Variants in ARHGEF4 observed in about 807,000 individuals in gnomAD.
The protein encoded by ARHGEF4 is APC-stimulated guanine nucleotide exchange factor 1.
In ARHGEF4, 119 loss-of-function variants were observed where a neutral mutation model predicts 162.0. The observed-to-expected ratio is 0.73, with a 90% CI of 0.63 to 0.86. The LOEUF (loss-of-function observed/expected upper bound fraction) is 0.86. Ranked by LOEUF, ARHGEF4 falls within the 40% of genes least tolerant of loss-of-function variation. The pLI is 0.00. For synonymous variants in ARHGEF4, 1,014 were observed against 979.9 expected (o/e 1.03, Z -0.65); for missense variants, 2,488 against 2,456.0 (o/e 1.01, Z -0.28).
At chr2:131,037,182 C>G (rs1278107351) in intron 5 of ARHGEF4, among the ~76,000 whole-genome samples, 2 of 152,210 alleles carry the variant, frequency 1.3e-5, no homozygotes, top group Non-Finnish European at 2.9e-5. Context: ...CCTGGGCTCA[C>G]AGGCTCATGT....
At chr2:130,985,235 C>T (rs1686403762) in intron 4 of ARHGEF4, among the ~76,000 whole-genome samples, 1 of 152,038 alleles carries the variant, frequency 6.6e-6, no homozygotes, top group Non-Finnish European at 1.5e-5. Flanking sequence ...CGCTTCCAGC[C>T]AAAAGTGGGC....
chr2:130,874,106 G>A (rs533933235), intron 1 of ARHGEF4, among the ~76,000 whole-genome samples: 1 of 151,932 alleles, frequency 6.6e-6, no homozygotes, highest in Non-Finnish European at 1.5e-5. Flanking sequence ...TCCTTTTTAC[G>A]AGCAGCTTAC....
At chr2:130,966,954 C>A (rs1448494331) in intron 4 of ARHGEF4, among the ~76,000 whole-genome samples, 1 of 152,170 alleles carries the variant, frequency 6.6e-6, no homozygotes. Flanking sequence ...ATGTGTTTAA[C>A]TGAACTGCAT....
chr2:130,908,628 A>G (rs1234388267), intron 1 of ARHGEF4, among the ~76,000 whole-genome samples: 2 of 152,102 alleles, frequency 1.3e-5, no homozygotes, highest in African/African-American at 4.8e-5. Context: ...GTGAGCTGAG[A>G]TTGCGCCATT....
chr2:131,045,461 G>C lies in ARHGEF4; in HGVS notation c.5479+15G>C, dbSNP rs202215200. 5,333 of 1,613,534 alleles carry C rather than the reference G, an allele frequency of 3.3e-3. 21 individuals are homozygous for C. Among genetic ancestry groups the C allele is most frequent in the Non-Finnish European group, 3.8e-3 (4,526 of 1,179,986 alleles). On this transcript the variant is annotated intron_variant, in intron 13 of 13. Coordinates refer to ENST00000409359, the MANE Select transcript of ARHGEF4 (RefSeq NM_001367493.1). ...GAAGCCCAAAGGTAGGCGGACAGCA[G>C]CCCCACCTCCTCGGCTGCCCGGTCC...
chr2:130,924,071 C>T lies in ARHGEF4; in HGVS notation c.3552+6573C>T, dbSNP rs548443261. Among the ~76,000 whole-genome samples the T allele has an allele frequency of 2.0e-4, 30 of 151,136 alleles. 1 individual carries two copies. The South Asian group carries it at 6.1e-3, about 31-fold the overall frequency. Reference sequence around the variant, plus strand: ...AATTTTTTTGTGCTTTTAGTAGATACGGGGTTTCACCGTGTTAGCCAGGAT... The same window carrying T: ...AATTTTTTTGTGCTTTTAGTAGATATGGGGTTTCACCGTGTTAGCCAGGAT... On this transcript the variant is annotated intron_variant, in intron 2 of 13. Coordinates refer to ENST00000409359, the MANE Select transcript of ARHGEF4 (RefSeq NM_001367493.1).
chr2:130,908,121 A>AT (rs1457235216), intron 1 of ARHGEF4, among the ~76,000 whole-genome samples: 1 of 151,702 alleles, frequency 6.6e-6, no homozygotes. Context: ...GTCATCTCTG[A>AT]TTTTTTTCAG....
chr2:131,027,002 G>A (rs574237377), intron 4 of ARHGEF4, among the ~76,000 whole-genome samples: 3 of 152,314 alleles, frequency 2.0e-5, no homozygotes, highest in African/African-American at 4.8e-5. Context: ...CATAGGGGCA[G>A]GAAAGGATTA....
intron 6 of ARHGEF4, 86 bp downstream of exon 6, chr2:131,039,118 C>T: frequency 6.9e-7 from 1 of 1,458,868 alleles, no homozygotes; most frequent in East Asian, 2.5e-5. Flanking sequence ...CAAAACAGCT[C>T]TGGCATCCTA....
chr2:130,918,486 C>T (rs1026731328), intron 2 of ARHGEF4, among the ~76,000 whole-genome samples: 3 of 152,192 alleles, frequency 2.0e-5, no homozygotes, highest in African/African-American at 4.8e-5. Flanking sequence ...CAAGCGATGC[C>T]GAGTCTTCCG....
intron 4 of ARHGEF4, among the ~76,000 whole-genome samples, chr2:131,002,086 TACTG>T (rs1181506759): frequency 3.3e-5 from 5 of 152,210 alleles, no homozygotes; most frequent in African/African-American, 1.2e-4. Flanking sequence ...AACAAATACT[TACTG>T]AGAATCTACT....
chr2:130,992,181 G>T (rs1687041642), intron 4 of ARHGEF4, among the ~76,000 whole-genome samples: 1 of 152,138 alleles, frequency 6.6e-6, no homozygotes, highest in South Asian at 2.1e-4. Flanking sequence ...GCACCAATCA[G>T]CGCCCTGTCA....
chr2:131,002,769 A>AGCTCACT (rs1340020548), intron 4 of ARHGEF4, among the ~76,000 whole-genome samples: 1 of 144,456 alleles, frequency 6.9e-6, no homozygotes, highest in Non-Finnish European at 1.5e-5. Context: ...GGTGAAGGAG[A>AGCTCACT]GCTCACTGCT....
chr2:130,917,643 C>G, intron 2 of ARHGEF4, 145 bp downstream of exon 2: 1 of 1,073,462 alleles, frequency 9.3e-7, no homozygotes, highest in Non-Finnish European at 1.3e-6. Context: ...CGCCCCCCCT[C>G]CCCCAGTGAA....
chr2:130,999,475 C>T (rs754148032), intron 4 of ARHGEF4, among the ~76,000 whole-genome samples: 17 of 152,006 alleles, frequency 1.1e-4, no homozygotes, highest in Admixed American at 9.2e-4. Flanking sequence ...TTTTAAGAGT[C>T]GTGTATTTTT....
At chr2:130,991,042 A>C (rs1402547541) in intron 4 of ARHGEF4, among the ~76,000 whole-genome samples, 1 of 152,224 alleles carries the variant, frequency 6.6e-6, no homozygotes, top group East Asian at 1.9e-4. Flanking sequence ...AGGTGTTCAA[A>C]AAGGAGAAAA....
intron 1 of ARHGEF4, among the ~76,000 whole-genome samples, chr2:130,851,496 C>G (rs1015000627): frequency 1.1e-4 from 16 of 152,352 alleles, no homozygotes; most frequent in Admixed American, 1.0e-3. Flanking sequence ...GTTTGCTGCA[C>G]TGCCGAGGCC....
intron 1 of ARHGEF4, among the ~76,000 whole-genome samples, chr2:130,857,047 C>T (rs1385789473): frequency 6.6e-6 from 1 of 152,016 alleles, no homozygotes; most frequent in Non-Finnish European, 1.5e-5. Flanking sequence ...ATGGTGAAAC[C>T]CCGTCTCTAC....
intron 1 of ARHGEF4, among the ~76,000 whole-genome samples, chr2:130,899,487 C>T (rs1422014657): frequency 6.6e-6 from 1 of 152,098 alleles, no homozygotes; most frequent in East Asian, 1.9e-4. Flanking sequence ...GGGGATGGCC[C>T]GGGCAGGAGG....
Sources: allele counts gnomAD v4.1 joint callset (sites outside exome capture counted in the v4.1 genomes callset), GRCh38; gene constraint gnomAD v4.1.1; transcripts MANE v1.5; gene names NCBI Gene and HGNC (gene_info 2026-07-23, HGNC 2026-07-21).